LCLAT1: variants seen among roughly 807,000 people sequenced by gnomAD.
The protein encoded by LCLAT1 is 1-AGP acyltransferase 8.
In LCLAT1, 11 loss-of-function variants were observed where a neutral mutation model predicts 30.7. The observed-to-expected ratio is 0.36, with a 90% CI of 0.23 to 0.59. The LOEUF (loss-of-function observed/expected upper bound fraction) is 0.59, where lower values mean the gene tolerates loss of function less well. Ranked by LOEUF, LCLAT1 falls within the 20% of genes least tolerant of loss-of-function variation. LCLAT1 has a pLI of 0.77. For synonymous variants in LCLAT1, 155 were observed against 151.3 expected (o/e 1.02, Z -0.18); for missense variants, 402 against 458.6 (o/e 0.88, Z 1.13).
chr2:30,468,347 A>T (rs1257328784), intron 1 of LCLAT1, among the ~76,000 whole-genome samples: 1 of 152,142 alleles, frequency 6.6e-6, no homozygotes, highest in Non-Finnish European at 1.5e-5. Flanking sequence ...TGGTTACTGT[A>T]GCCTTGTAGT....
intron 5 of LCLAT1, among the ~76,000 whole-genome samples, chr2:30,588,332 G>GCT (rs971301394): frequency 2.0e-5 from 3 of 152,172 alleles, no homozygotes; most frequent in Non-Finnish European, 4.4e-5. Context: ...TAAACACCTT[G>GCT]CTCTCCTCTC....
chr2:30,501,831 T>C (rs1037267245), intron 1 of LCLAT1, among the ~76,000 whole-genome samples: 4 of 152,224 alleles, frequency 2.6e-5, no homozygotes, highest in Non-Finnish European at 4.4e-5. Context: ...AAAAGATTAA[T>C]GTCTGAATAT....
intron 5 of LCLAT1, among the ~76,000 whole-genome samples, chr2:30,595,788 C>T (rs1012649643): frequency 6.6e-6 from 1 of 152,094 alleles, no homozygotes; most frequent in African/African-American, 2.4e-5. Flanking sequence ...TGATGCTTTC[C>T]CCCACTCCCA....
At chr2:30,448,537 C>G (rs137986751) in intron 1 of LCLAT1, among the ~76,000 whole-genome samples, 48 of 152,236 alleles carry the variant, frequency 3.2e-4, no homozygotes, top group African/African-American at 1.1e-3. Context: ...AACGTAATAG[C>G]GCTTGTGTTT....
Position 30,461,915 on chromosome 2 carries a change from C to T in LCLAT1, c.-5+14532C>T, listed in dbSNP as rs545761647. 2.2e-4 allele frequency among the ~76,000 whole-genome samples: 33 copies of T among 151,232 alleles called. 1 individual carries two copies. The East Asian group carries it at 4.3e-3, about 20-fold the overall frequency. On this transcript the variant is annotated intron_variant, in intron 1 of 5. Coordinates refer to ENST00000379509, the MANE Select transcript of LCLAT1 (RefSeq NM_001002257.3). ...CCTCCCGCGTAGCTGGGACTACAGG[C>T]GCCCGCCACCACGCCCGGCTAATTT...
intron 5 of LCLAT1, among the ~76,000 whole-genome samples, chr2:30,625,249 A>G (rs972366351): frequency 2.6e-5 from 4 of 152,218 alleles, no homozygotes; most frequent in Non-Finnish European, 2.9e-5. Flanking sequence ...GCAGAACTAA[A>G]TGAAATTGAA....
intron 1 of LCLAT1, among the ~76,000 whole-genome samples, chr2:30,473,970 A>T (rs753369586): frequency 6.6e-6 from 1 of 152,220 alleles, no homozygotes; most frequent in African/African-American, 2.4e-5. Context: ...TTGTGTTGGT[A>T]TCTGAGTATC....
intron 1 of LCLAT1, among the ~76,000 whole-genome samples, chr2:30,471,427 C>G (rs759656251): frequency 6.6e-6 from 1 of 152,050 alleles, no homozygotes; most frequent in South Asian, 2.1e-4. Flanking sequence ...CCAGGCTGGT[C>G]TTGAACTCCT....
At chr2:30,488,749 T>G (rs829674) in intron 1 of LCLAT1, among the ~76,000 whole-genome samples, 14,565 of 152,190 alleles carry the variant, frequency 0.096, 742 homozygotes, top group East Asian at 0.12. Context: ...GGTCTTGGAG[T>G]GCAGAGTTGT....
At chr2:30,542,473 T>A (rs1055728684) in intron 3 of LCLAT1, among the ~76,000 whole-genome samples, 1 of 152,172 alleles carries the variant, frequency 6.6e-6, no homozygotes, top group Non-Finnish European at 1.5e-5. Flanking sequence ...TTGAAAATTA[T>A]TTGTCCGGTA....
chr2:30,483,367 A>G (rs1683407710), intron 1 of LCLAT1, among the ~76,000 whole-genome samples: 1 of 152,170 alleles, frequency 6.6e-6, no homozygotes, highest in Admixed American at 6.5e-5. Flanking sequence ...CAAAGTAAAA[A>G]AGTTTATTAA....
intron 4 of LCLAT1, among the ~76,000 whole-genome samples, chr2:30,563,762 A>G (rs536251057): frequency 6.6e-6 from 1 of 152,362 alleles, no homozygotes; most frequent in Non-Finnish European, 1.5e-5. Flanking sequence ...TTATTACAAA[A>G]GAGAGTTCAA....
At chr2:30,549,452 T>C (rs1019990009) in intron 3 of LCLAT1, among the ~76,000 whole-genome samples, 3 of 152,200 alleles carry the variant, frequency 2.0e-5, no homozygotes, top group African/African-American at 4.8e-5. Flanking sequence ...CTAAAAGATA[T>C]GCTTTTATAA....
chr2:30,571,761 G>A (rs1665789864), intron 5 of LCLAT1, among the ~76,000 whole-genome samples: 1 of 152,198 alleles, frequency 6.6e-6, no homozygotes, highest in Non-Finnish European at 1.5e-5. Context: ...TGGAAACTAT[G>A]AAATTGGATA....
At chr2:30,473,263 T>C (rs1682886238) in intron 1 of LCLAT1, among the ~76,000 whole-genome samples, 2 of 152,168 alleles carry the variant, frequency 1.3e-5, no homozygotes, top group Admixed American at 1.3e-4. Context: ...TATATATGTA[T>C]GTGTGTATAC....
intron 1 of LCLAT1, among the ~76,000 whole-genome samples, chr2:30,461,080 C>A (rs1281856319): frequency 6.6e-6 from 1 of 152,150 alleles, no homozygotes; most frequent in Non-Finnish European, 1.5e-5. Flanking sequence ...CTGTGAGAAT[C>A]GTTGAAACTG....
intron 5 of LCLAT1, among the ~76,000 whole-genome samples, chr2:30,638,159 A>G (rs2148537207): frequency 6.6e-6 from 1 of 152,374 alleles, no homozygotes; most frequent in East Asian, 1.9e-4. Flanking sequence ...TCACAGAGTA[A>G]TGGAGACTGA....
intron 5 of LCLAT1, among the ~76,000 whole-genome samples, chr2:30,594,558 A>C (rs541820772): frequency 1.3e-5 from 2 of 151,932 alleles, no homozygotes; most frequent in Admixed American, 1.3e-4. Context: ...GATTCCTTTA[A>C]TTGTGTGTAT....
rs1669435621 is a variant in LCLAT1, at chr2:30,643,863, T to C, written c.*3244T>C. On this transcript the variant is annotated 3_prime_UTR_variant, in exon 6 of 6. Coordinates refer to ENST00000379509, the MANE Select transcript of LCLAT1 (RefSeq NM_001002257.3). The stretch of plus-strand genomic sequence containing the variant: ...TTTTGCTACTGAAAGGGAAATGGTC[T>C]CTAAACACTGGTCACTGTAGCAGGT... The C allele has an allele frequency of 6.5e-6, 1 of 152,682 alleles. No individual in the cohort carries two copies. Among genetic ancestry groups the C allele is most frequent in the African/African-American group, 2.4e-5 (1 of 41,470 alleles). The allele number at this position is 152,682 out of a possible 1,614,324, so 9.5% of individuals were successfully genotyped here.
Sources: allele counts gnomAD v4.1 joint callset (sites outside exome capture counted in the v4.1 genomes callset), GRCh38; gene constraint gnomAD v4.1.1; transcripts MANE v1.5; gene names NCBI Gene and HGNC (gene_info 2026-07-23, HGNC 2026-07-21).